Variants in CNTLN observed in about 807,000 individuals in gnomAD.
CNTLN encodes centlein.
Under a neutral mutation model 180.0 loss-of-function variants are expected in CNTLN, and 212 were observed. The observed-to-expected ratio is 1.18, with a 90% CI of 1.05 to 1.32. The LOEUF (loss-of-function observed/expected upper bound fraction) is 1.32, where lower values mean the gene tolerates loss of function less well. Among genes scored for constraint, CNTLN ranks in the 40% most tolerant of loss-of-function variants. The pLI is 0.00. For missense variants in CNTLN, 2,095 were observed against 1,610.9 expected (o/e 1.30, Z -5.14); for synonymous variants, 722 against 563.1 (o/e 1.28, Z -3.99).
intron 5 of CNTLN, among the ~76,000 whole-genome samples, chr9:17,266,381 G>C (rs1454941162): frequency 6.6e-6 from 1 of 152,156 alleles, no homozygotes; most frequent in East Asian, 1.9e-4. Context: ...GTTCTAGTTT[G>C]ATTGCACTGT....
chr9:17,366,528 A>G (rs940670147), intron 12 of CNTLN, 89 bp from the exon 13 acceptor site: 1 of 559,230 alleles, frequency 1.8e-6, no homozygotes, highest in African/African-American at 2.0e-5. Flanking sequence ...ACTTTGATAT[A>G]TTATTTAGAA....
At chr9:17,198,005 A>G (rs908945883) in intron 2 of CNTLN, among the ~76,000 whole-genome samples, 22 of 152,034 alleles carry the variant, frequency 1.4e-4, no homozygotes, top group Admixed American at 3.3e-4. Context: ...CCTTTCCCCA[A>G]TGTATATTCT....
intron 2 of CNTLN, among the ~76,000 whole-genome samples, chr9:17,166,099 CAGAGA>C (rs1338858975): frequency 6.6e-6 from 1 of 151,952 alleles, no homozygotes; most frequent in Admixed American, 6.6e-5. Context: ...AAATGGAGTT[CAGAGA>C]AGACAGAGAT....
At chr9:17,414,062 C>T (rs1490564909) in intron 16 of CNTLN, among the ~76,000 whole-genome samples, 1 of 152,128 alleles carries the variant, frequency 6.6e-6, no homozygotes, top group Non-Finnish European at 1.5e-5. Context: ...TATACAATGT[C>T]CTAGCTTTCT....
chr9:17,234,714 T>C (rs1343053936), intron 3 of CNTLN, among the ~76,000 whole-genome samples: 1 of 151,950 alleles, frequency 6.6e-6, no homozygotes, highest in Non-Finnish European at 1.5e-5. Context: ...TGTGTCTCTT[T>C]CTTGGTTGAC....
At chr9:17,391,969 G>C (rs543236375) in intron 14 of CNTLN, among the ~76,000 whole-genome samples, 227 of 152,254 alleles carry the variant, frequency 1.5e-3, no homozygotes, top group African/African-American at 5.1e-3. Context: ...AGTTGGAAGT[G>C]AGATATAGAC....
chr9:17,383,890 G>A (rs139324469), intron 13 of CNTLN, among the ~76,000 whole-genome samples: 2,178 of 152,014 alleles, frequency 0.014, 55 homozygotes, highest in African/African-American at 0.05. Flanking sequence ...TGCCTGTCTC[G>A]GCCTCCCAAA....
At chr9:17,175,301 TGA>T (rs1240483361) in intron 2 of CNTLN, among the ~76,000 whole-genome samples, 1 of 152,200 alleles carries the variant, frequency 6.6e-6, no homozygotes, top group Non-Finnish European at 1.5e-5. Flanking sequence ...CAATCCATTT[TGA>T]GTTACTATTT....
chr9:17,431,736 G>GC (rs1829429999), intron 18 of CNTLN, among the ~76,000 whole-genome samples: 1 of 152,110 alleles, frequency 6.6e-6, no homozygotes, highest in Non-Finnish European at 1.5e-5. Context: ...ACTTCAGTGA[G>GC]CCATTAATTA....
intron 3 of CNTLN, among the ~76,000 whole-genome samples, chr9:17,231,514 T>G (rs1242114482): frequency 6.6e-6 from 1 of 152,104 alleles, no homozygotes; most frequent in Non-Finnish European, 1.5e-5. Context: ...ATAGCATGAC[T>G]TATGATAACC....
intron 13 of CNTLN, among the ~76,000 whole-genome samples, chr9:17,369,264 C>T (rs1824105512): frequency 6.6e-6 from 1 of 152,056 alleles, no homozygotes; most frequent in South Asian, 2.1e-4. Context: ...TCCCCTTCAC[C>T]TTCCACCATG....
rs866112405 is a variant in CNTLN, at chr9:17,362,556, C to G, written c.1887-4061C>G. On this transcript the variant is annotated intron_variant, in intron 12 of 25. Coordinates refer to ENST00000380647, the MANE Select transcript of CNTLN (RefSeq NM_017738.4). ...CTGAGTGAGGGGAAGGAGAGGCTAC[C>G]TAATTTTTACTTCAAATAACTTTTT... 1.2e-4 allele frequency among the ~76,000 whole-genome samples: 18 copies of G among 152,094 alleles called. No homozygotes were observed. The Middle Eastern group carries it at 0.014, about 116-fold the overall frequency.
At position 17,332,724 on chromosome 9, in the gene CNTLN, A is replaced by G. The variant is rs1000378916; in HGVS notation, c.1638A>G (p.Gln546=). ...RKIENLEKAL[Q]LKSQENDELR... is the part of the protein sequence containing the mutation. The stretch of plus-strand genomic sequence containing the variant: ...TTGAAAACTTAGAGAAGGCACTACA[A>G]CTAAAGGTGAACATTAAATCATTTC... Residue 546 remains glutamine (Q), a synonymous_variant, in exon 10 of 26, where the codon CAA becomes CAG. Transcript: ENST00000380647. The G allele has an allele frequency of 4.4e-6, 7 of 1,587,802 alleles. No individual in the cohort carries two copies. In the African/African-American group the frequency reaches 9.6e-5, roughly 22 times the overall value.
chr9:17,421,631 T>C (rs1234883286), intron 18 of CNTLN, among the ~76,000 whole-genome samples: 1 of 152,150 alleles, frequency 6.6e-6, no homozygotes, highest in Non-Finnish European at 1.5e-5. Flanking sequence ...CTGGTTGTTT[T>C]GTGGTCCTCT....
At chr9:17,464,729 G>A in intron 21 of CNTLN, 106 bp downstream of exon 21, 1 of 679,178 alleles carries the variant, frequency 1.5e-6, no homozygotes. Flanking sequence ...ATATTGATAG[G>A]ATATGTATTT....
At chr9:17,157,407 G>A (rs1445056751) in intron 2 of CNTLN, among the ~76,000 whole-genome samples, 1 of 152,170 alleles carries the variant, frequency 6.6e-6, no homozygotes, top group African/African-American at 2.4e-5. Context: ...GAATGAGAAG[G>A]TTGAAGCAAG....
At chr9:17,279,808 T>A (rs548425736) in intron 6 of CNTLN, among the ~76,000 whole-genome samples, 95 of 152,356 alleles carry the variant, frequency 6.2e-4, no homozygotes, top group Non-Finnish European at 1.0e-3. Context: ...ATGTTGAAAT[T>A]TAGTCCTCAG....
chr9:17,287,981 G>T (rs1829098241), intron 6 of CNTLN, among the ~76,000 whole-genome samples: 1 of 140,672 alleles, frequency 7.1e-6, no homozygotes, highest in Admixed American at 7.0e-5. Context: ...TTGATTTTTT[G>T]AAGGGTTTTT....
At chr9:17,378,778 G>A (rs10963072) in intron 13 of CNTLN, among the ~76,000 whole-genome samples, 32,181 of 152,112 alleles carry the variant, frequency 0.21, 3,670 homozygotes, top group South Asian at 0.34. Flanking sequence ...TCAAATTGTT[G>A]TCTGGCTTCA....
Sources: allele counts gnomAD v4.1 joint callset (sites outside exome capture counted in the v4.1 genomes callset), GRCh38; gene constraint gnomAD v4.1.1; transcripts MANE v1.5; gene names NCBI Gene and HGNC (gene_info 2026-07-23, HGNC 2026-07-21).